ZNF160: variants seen among roughly 807,000 people sequenced by gnomAD.
The protein encoded by ZNF160 is zinc finger protein 160, also known as KRAB zinc finger protein KR18.
ZNF160 carries 9 observed loss-of-function variants against 13.1 expected under a neutral mutation model. That is an observed-to-expected ratio of 0.69 (90% CI 0.41 to 1.20). The LOEUF (loss-of-function observed/expected upper bound fraction) is 1.20, where lower values mean the gene tolerates loss of function less well. Among genes scored for constraint, ZNF160 ranks in the 50% most tolerant of loss-of-function variants. The pLI is 0.01. For synonymous variants in ZNF160, 293 were observed against 333.2 expected, an observed-to-expected ratio of 0.88 and a Z score of 1.31; for missense variants, 838 against 988.0, an observed-to-expected ratio of 0.85 and a Z score of 2.04.
chr19:53,100,054 ATACT>A (rs2085385725), intron 1 of ZNF160, among the ~76,000 whole-genome samples: 3 of 152,206 alleles, frequency 2.0e-5, no homozygotes, highest in African/African-American at 7.2e-5. Flanking sequence ...AAAACACAAC[ATACT>A]AATGAAACGC....
chr19:53,098,950 C>T (rs930483653), intron 1 of ZNF160, among the ~76,000 whole-genome samples: 2 of 147,882 alleles, frequency 1.4e-5, no homozygotes, highest in African/African-American at 2.7e-5. Context: ...AGACCAATTA[C>T]GGATGAAATT....
Position 53,086,207 on chromosome 19 carries a change from T to C in ZNF160, c.15+55A>G, listed in dbSNP as rs1243859936. The C allele has an allele frequency of 3.9e-6, 6 of 1,540,148 alleles. No homozygotes were observed. The South Asian group carries it at 6.0e-5, about 15-fold the overall frequency. The stretch of plus-strand genomic sequence containing the variant: ...ACTCAGAGAAGATTCGCAATGCCAA[T>C]GCCAGGCATTTCAGGAAGAAATAAA... On this transcript the variant is annotated intron_variant, in intron 3 of 5. Coordinates refer to ENST00000683776, the MANE Select transcript of ZNF160 (RefSeq NM_001322131.2).
chr19:53,097,982 T>C (rs1466558427), intron 1 of ZNF160, among the ~76,000 whole-genome samples: 1 of 152,212 alleles, frequency 6.6e-6, no homozygotes, highest in South Asian at 2.1e-4. Context: ...CACTTCGGGA[T>C]GTTTTTCTCT....
At chr19:53,075,333 G>T in intron 3 of ZNF160, 150 bp from the exon 4 acceptor site, 2 of 967,530 alleles carry the variant, frequency 2.1e-6, no homozygotes, top group Non-Finnish European at 3.1e-6. Context: ...TACAGATTTG[G>T]TCTTCATCCC....
At chr19:53,096,205 C>T (rs751577800) in intron 1 of ZNF160, among the ~76,000 whole-genome samples, 13 of 152,148 alleles carry the variant, frequency 8.5e-5, no homozygotes, top group African/African-American at 2.2e-4. Flanking sequence ...GGAGACAGAA[C>T]GAGACTCCGT....
Position 53,093,215 on chromosome 19 carries a change from G to A in ZNF160, c.-353-1495C>T, listed in dbSNP as rs2085099016. ...TTCACTTTGGGAGGCCGAGGCAGGT[G>A]GATCACCTGAGGTCAGGAGTTCAAA... On this transcript the variant is annotated intron_variant, in intron 1 of 5. Transcript: ENST00000683776. Among the ~76,000 whole-genome samples the A allele has an allele frequency of 2.0e-5, 3 of 152,328 alleles. No individual in the cohort carries two copies. In the South Asian group the frequency reaches 6.2e-4, roughly 32 times the overall value.
chr19:53,086,177 T>C, intron 3 of ZNF160, 85 bp downstream of exon 3: 1 of 1,469,164 alleles, frequency 6.8e-7, no homozygotes, highest in Admixed American at 1.9e-5. Flanking sequence ...GGCAGGACGC[T>C]TCAGACTCAG....
intron 1 of ZNF160, among the ~76,000 whole-genome samples, chr19:53,096,240 G>C (rs2085230321): frequency 6.6e-6 from 1 of 152,196 alleles, no homozygotes; most frequent in Non-Finnish European, 1.5e-5. Context: ...ATAACTGAAT[G>C]AATGAATGAA....
At chr19:53,071,069 G>A (rs113355379) in intron 5 of ZNF160, among the ~76,000 whole-genome samples, 12 of 152,112 alleles carry the variant, frequency 7.9e-5, no homozygotes, top group Middle Eastern at 3.4e-3. Flanking sequence ...GGTGGCATGC[G>A]CCTATAGTCC....
chr19:53,101,706 C>T (rs1183054637), intron 1 of ZNF160, among the ~76,000 whole-genome samples: 2 of 152,152 alleles, frequency 1.3e-5, no homozygotes, highest in African/African-American at 4.8e-5. Flanking sequence ...CCACCCTACC[C>T]CATCCTCGGA....
chr19:53,075,888 T>C (rs1000405375), intron 3 of ZNF160: 1 of 504,696 alleles, frequency 2.0e-6, no homozygotes, highest in Non-Finnish European at 4.0e-6. Context: ...TTAATGTGTG[T>C]GCGCTGTTGT....
Position 53,071,411 on chromosome 19 carries a change from G to T in ZNF160, c.272-1149C>A, listed in dbSNP as rs150906555. ...GCTAAAAATATAAAAAATTGGCTGG[G>T]TGTGGTAATGGGCACCTGTAATCCC... is the stretch of plus-strand genomic sequence containing the variant. On this transcript the variant is annotated intron_variant, in intron 5 of 5. Transcript: ENST00000683776. Among the ~76,000 whole-genome samples the T allele has an allele frequency of 1.8e-3, 272 of 151,772 alleles. 1 individual carries two copies. The highest frequency in any genetic ancestry group is 3.9e-3 in the Admixed American group (60 of 15,200).
intron 2 of ZNF160, among the ~76,000 whole-genome samples, chr19:53,087,555 A>C (rs1180883921): frequency 2.6e-5 from 4 of 151,910 alleles, no homozygotes; most frequent in African/African-American, 9.7e-5. Flanking sequence ...TTAAATAATT[A>C]ATTAATTAAT....
intron 1 of ZNF160, among the ~76,000 whole-genome samples, chr19:53,096,138 G>C (rs929116860): frequency 3.9e-5 from 6 of 152,234 alleles, no homozygotes; most frequent in African/African-American, 1.4e-4. Flanking sequence ...AGAATTGCTT[G>C]AACTCAGGAG....
intron 1 of ZNF160, among the ~76,000 whole-genome samples, chr19:53,101,698 AC>A (rs1189599787): frequency 6.6e-6 from 1 of 151,952 alleles, no homozygotes; most frequent in Non-Finnish European, 1.5e-5. Flanking sequence ...CACTGCCCCC[AC>A]CCTACCCCAT....
chr19:53,067,823 A>G lies in ZNF160; in HGVS notation c.*254T>C. On this transcript the variant is annotated 3_prime_UTR_variant, in exon 6 of 6. Coordinates refer to ENST00000683776, the MANE Select transcript of ZNF160 (RefSeq NM_001322131.2). ...CTCACTTACCATCGGTCACTGGGTAATGGCCTCAGGATGCATATTACATTT... is the reference window on the plus strand; with the variant it reads ...CTCACTTACCATCGGTCACTGGGTAGTGGCCTCAGGATGCATATTACATTT... The G allele has an allele frequency of 2.5e-6, 1 of 407,910 alleles. No individual in the cohort carries two copies. Among genetic ancestry groups the G allele is most frequent in the Non-Finnish European group, 4.3e-6 (1 of 231,474 alleles). The allele number at this position is 407,910 out of a possible 1,614,324, so 25.3% of individuals were successfully genotyped here.
At chr19:53,081,157 C>T (rs1343998858) in intron 3 of ZNF160, among the ~76,000 whole-genome samples, 2 of 152,016 alleles carry the variant, frequency 1.3e-5, no homozygotes, top group Non-Finnish European at 2.9e-5. Context: ...AGACTTTGGC[C>T]TAAGCAAGGA....
chr19:53,098,685 G>C (rs1407853081), intron 1 of ZNF160, among the ~76,000 whole-genome samples: 1 of 151,526 alleles, frequency 6.6e-6, no homozygotes, highest in East Asian at 1.9e-4. Flanking sequence ...CTTAGCTTCT[G>C]AACTTCTCGC....
chr19:53,072,495 A>T (rs1452134345), intron 5 of ZNF160, among the ~76,000 whole-genome samples: 1 of 152,196 alleles, frequency 6.6e-6, no homozygotes, highest in Non-Finnish European at 1.5e-5. Flanking sequence ...TGATAAAATG[A>T]ATTGAGAGGA....
Sources: allele counts gnomAD v4.1 joint callset (sites outside exome capture counted in the v4.1 genomes callset), GRCh38; gene constraint gnomAD v4.1.1; transcripts MANE v1.5; gene names NCBI Gene and HGNC (gene_info 2026-07-23, HGNC 2026-07-21).